TMEM140: variants seen among roughly 807,000 people sequenced by gnomAD.
TMEM140 encodes transmembrane protein 140.
For synonymous variants in TMEM140, 107 were observed against 106.8 expected (o/e 1.00, Z -0.01); for missense variants, 236 against 228.5 (o/e 1.03, Z -0.21).
Position 135,154,346 on chromosome 7 carries a change from G to A in TMEM140, c.-25+6076G>A, listed in dbSNP as rs977480739. Among the ~76,000 whole-genome samples the A allele has an allele frequency of 4.6e-5, 7 of 152,056 alleles. 1 individual carries two copies. Among genetic ancestry groups the A allele is most frequent in the Admixed American group, 3.3e-4 (5 of 15,294 alleles). On this transcript the variant is annotated intron_variant, in intron 1 of 1. Transcript: ENST00000275767. ...TTCATTGATCCTTTGTAAATTTTTT[G>A]TCCCTGTTTCATTTAGTTCTGCTCT...
chr7:135,158,106 A>G (rs6975888), intron 1 of TMEM140, among the ~76,000 whole-genome samples: 2,121 of 152,272 alleles, frequency 0.014, 47 homozygotes, highest in African/African-American at 0.048. Context: ...AGTTGAACTC[A>G]GCAAGAAGGT....
intron 1 of TMEM140, among the ~76,000 whole-genome samples, chr7:135,163,362 C>T (rs1829997312): frequency 6.6e-6 from 1 of 152,114 alleles, no homozygotes; most frequent in Non-Finnish European, 1.5e-5. Context: ...TATCTTCTGG[C>T]CAGGCATGGT....
chr7:135,154,853 C>T (rs1829750414), intron 1 of TMEM140, among the ~76,000 whole-genome samples: 1 of 152,090 alleles, frequency 6.6e-6, no homozygotes, highest in African/African-American at 2.4e-5. Context: ...TTTATAAGTC[C>T]ATTTGGTCTA....
rs557742539 is a variant in TMEM140 at position 135,165,096 on chromosome 7, C to G, written c.*97C>G. The G allele has an allele frequency of 1.3e-4, 190 of 1,415,180 alleles. 1 individual carries two copies. In the East Asian group the frequency reaches 3.1e-3, roughly 23 times the overall value. 87.7% of individuals were successfully genotyped at this position (1,415,180 alleles called of 1,614,324 possible). Reference sequence around the variant, plus strand: ...TTACAGCTAACGCTGATCTCCAGCTCCAGCGATGGAACCCACTACAGAGGA... The same window carrying G: ...TTACAGCTAACGCTGATCTCCAGCTGCAGCGATGGAACCCACTACAGAGGA... On this transcript the variant is annotated 3_prime_UTR_variant, in exon 2 of 2. Coordinates refer to ENST00000275767, the MANE Select transcript of TMEM140 (RefSeq NM_018295.5).
At position 135,165,535 on chromosome 7, in the gene TMEM140, G is replaced by C. The variant is rs953145892; in HGVS notation, c.*536G>C. The C allele has an allele frequency of 1.2e-5, 2 of 168,964 alleles. No individual in the cohort carries two copies. The highest frequency in any genetic ancestry group is 2.9e-5 in the Non-Finnish European group (2 of 69,456). 10.5% of individuals were successfully genotyped at this position (168,964 alleles called of 1,614,324 possible). On this transcript the variant is annotated 3_prime_UTR_variant, in exon 2 of 2. Coordinates refer to ENST00000275767, the MANE Select transcript of TMEM140 (RefSeq NM_018295.5). ...TGGAACTCCAACCCCAGAGGTCCAG[G>C]AGTGATCTCTGAGTGACTCAACAAA...
rs929918179 is a variant in TMEM140 at position 135,161,077 on chromosome 7, G to A, written c.-24-3341G>A. On this transcript the variant is annotated intron_variant, in intron 1 of 1. Coordinates refer to ENST00000275767, the MANE Select transcript of TMEM140 (RefSeq NM_018295.5). This position sits in a 1 kb window ranked among gnomAD's most constrained non-coding sequence, Gnocchi z 4.1. ...CAAGTTCAAGTTCCAAGTCGCACCA[G>A]ATGATGGCGAGCCTCATAAGAGCTG... is the stretch of plus-strand genomic sequence containing the variant. Among the ~76,000 whole-genome samples, 2 of 152,248 alleles carry A rather than the reference G, an allele frequency of 1.3e-5. No homozygotes were observed. The highest frequency in any genetic ancestry group is 4.8e-5 in the African/African-American group (2 of 41,460).
At chr7:135,150,634 A>G (rs1829646421) in intron 1 of TMEM140, among the ~76,000 whole-genome samples, 1 of 152,216 alleles carries the variant, frequency 6.6e-6, no homozygotes, top group Non-Finnish European at 1.5e-5. Context: ...GGCAGTCACC[A>G]GTTTCTGGTA....
rs1375540321 is a variant in TMEM140, at chr7:135,148,213, C to G, written c.-82C>G. On this transcript the variant is annotated 5_prime_UTR_variant, in exon 1 of 2. Transcript: ENST00000275767. The stretch of plus-strand genomic sequence containing the variant: ...GAGAAGGAAGATTCAAACAACCAAC[C>G]CTGATTTCCTGCTTCTCCTTTTCAT... 1 of 419,638 alleles carries G rather than the reference C, an allele frequency of 2.4e-6. No homozygotes were observed. The highest frequency in any genetic ancestry group is 3.1e-5 in the Admixed American group (1 of 31,802). The allele number at this position is 419,638 out of a possible 1,614,324, so 26.0% of individuals were successfully genotyped here.
chr7:135,162,112 GTTCT>G (rs1829956586), intron 1 of TMEM140, among the ~76,000 whole-genome samples: 7 of 152,216 alleles, frequency 4.6e-5, no homozygotes, highest in Admixed American at 3.9e-4. Context: ...CCTGTTCCAT[GTTCT>G]TTATTTTCCC....
rs1830118540 is a variant in TMEM140 at position 135,166,160 on chromosome 7, C to G, written c.*1161C>G. The G allele has an allele frequency of 6.5e-6, 1 of 154,010 alleles. No individual in the cohort carries two copies. The highest frequency in any genetic ancestry group is 1.4e-5 in the Non-Finnish European group (1 of 69,324). 9.5% of individuals were successfully genotyped at this position (154,010 alleles called of 1,614,324 possible). A position where few individuals can be genotyped will look rare whatever the true frequency, so the allele number is the denominator to read the frequency against. Reference sequence around the variant, plus strand: ...CTCATGATGGAAACTATTTTTGAAACAGGCTTCCTCCTTCAGGAGAGATCA... The same window carrying G: ...CTCATGATGGAAACTATTTTTGAAAGAGGCTTCCTCCTTCAGGAGAGATCA... On this transcript the variant is annotated 3_prime_UTR_variant, in exon 2 of 2. Coordinates refer to ENST00000275767, the MANE Select transcript of TMEM140 (RefSeq NM_018295.5).
intron 1 of TMEM140, 86 bp downstream of exon 1, chr7:135,148,356 T>C (rs879264347): frequency 2.7e-5 from 9 of 335,602 alleles, no homozygotes; most frequent in African/African-American, 6.5e-5. Context: ...AGATATTTCA[T>C]GTTCTGGCAA....
At chr7:135,148,938 C>T (rs116387203) in intron 1 of TMEM140, among the ~76,000 whole-genome samples, 77 of 152,158 alleles carry the variant, frequency 5.1e-4, no homozygotes, top group African/African-American at 1.6e-3. Context: ...TATGCTTCTT[C>T]GCCTATAAAA....
At chr7:135,162,457 C>T (rs971319727) in intron 1 of TMEM140, among the ~76,000 whole-genome samples, 2 of 152,164 alleles carry the variant, frequency 1.3e-5, no homozygotes, top group African/African-American at 4.8e-5. Flanking sequence ...AAGAGATACC[C>T]AGTAATTTGA....
rs111230612 is a variant in TMEM140 at position 135,148,547 on chromosome 7, C to T, written c.-25+277C>T. ...TAAGGCCAGTATAACTGGTTAGAAACGATGCAGGGCTGACTGCACACAGCA... is the reference window on the plus strand; with the variant it reads ...TAAGGCCAGTATAACTGGTTAGAAATGATGCAGGGCTGACTGCACACAGCA... On this transcript the variant is annotated intron_variant, in intron 1 of 1. Coordinates refer to ENST00000275767, the MANE Select transcript of TMEM140 (RefSeq NM_018295.5). 9.9e-3 allele frequency among the ~76,000 whole-genome samples: 1,515 copies of T among 152,284 alleles called. 20 individuals carry two copies. Among genetic ancestry groups the T allele is most frequent in the African/African-American group, 0.034 (1,414 of 41,542 alleles).
rs141751710 is a variant in TMEM140 at position 135,155,471 on chromosome 7, C to G, written c.-25+7201C>G. On this transcript the variant is annotated intron_variant, in intron 1 of 1. Transcript: ENST00000275767. The stretch of plus-strand genomic sequence containing the variant: ...GTTGCCATTTGATTCCTTTCTCTTC[C>G]TTTGTATGATTGTTTTATACAAACT... Among the ~76,000 whole-genome samples, 95 of 152,200 alleles carry G rather than the reference C, an allele frequency of 6.2e-4. 2 individuals carry two copies. The East Asian group carries it at 7.9e-3, about 13-fold the overall frequency.
chr7:135,159,100 G>A (rs923764386), intron 1 of TMEM140, among the ~76,000 whole-genome samples: 14 of 152,190 alleles, frequency 9.2e-5, no homozygotes, highest in Non-Finnish European at 1.3e-4. Flanking sequence ...AGCCTCTCCC[G>A]ACTCTCAGTC....
At chr7:135,160,400 ATTGT>A (rs1829898802) in intron 1 of TMEM140, among the ~76,000 whole-genome samples, 1 of 152,214 alleles carries the variant, frequency 6.6e-6, no homozygotes, top group Non-Finnish European at 1.5e-5. Context: ...CATTACCAGG[ATTGT>A]TTAAGAAAAG....
At position 135,161,426 on chromosome 7, in the gene TMEM140, T is replaced by C. The variant is rs1213573174; in HGVS notation, c.-24-2992T>C. ...AAGGCATCCCCAAGTCCCTTCCCAG[T>C]TGGTCCTGAACAATGGAGGAGGTCA... is the stretch of plus-strand genomic sequence containing the variant. On this transcript the variant is annotated intron_variant, in intron 1 of 1. Transcript: ENST00000275767. The surrounding 1 kb of genome is among the most constrained non-coding windows in gnomAD (Gnocchi z 4.1). 6.6e-6 allele frequency among the ~76,000 whole-genome samples: 1 copy of C among 152,168 alleles called. No homozygotes were observed. Among genetic ancestry groups the C allele is most frequent in the Non-Finnish European group, 1.5e-5 (1 of 68,024 alleles).
chr7:135,165,322 A>G lies in TMEM140; in HGVS notation c.*323A>G. 1 of 256,480 alleles carries G rather than the reference A, an allele frequency of 3.9e-6. No homozygotes were observed. Among genetic ancestry groups the G allele is most frequent in the East Asian group, 8.4e-5 (1 of 11,944 alleles). 15.9% of individuals were successfully genotyped at this position (256,480 alleles called of 1,614,324 possible). ...TTCCTCTAGCTTCAGGAGGGTGGGG[A>G]GGGAGTGATTGCTGTCATGGGGCCA... On this transcript the variant is annotated 3_prime_UTR_variant, in exon 2 of 2. Transcript: ENST00000275767.
Sources: allele counts gnomAD v4.1 joint callset (sites outside exome capture counted in the v4.1 genomes callset), GRCh38; gene constraint gnomAD v4.1.1; non-coding constraint Gnocchi (gnomAD v3.1); transcripts MANE v1.5; gene names NCBI Gene and HGNC (gene_info 2026-07-23, HGNC 2026-07-21).